Variants in AGBL4 observed in about 807,000 individuals in gnomAD.
AGBL4 encodes AGBL carboxypeptidase 4.
A neutral mutation model predicts 66.4 loss-of-function variants in AGBL4; 58 were observed. That is an observed-to-expected ratio of 0.87 (90% CI 0.71 to 1.09). AGBL4 has a LOEUF of 1.09. Ranked by LOEUF, AGBL4 falls within the 50% of genes least tolerant of loss-of-function variation. The pLI is 0.00. For synonymous variants in AGBL4, 234 were observed against 222.9 expected (o/e 1.05, Z -0.44); for missense variants, 579 against 631.0 (o/e 0.92, Z 0.88).
chr1:49,242,409 G>A (rs1651308996), intron 4 of AGBL4, among the ~76,000 whole-genome samples: 1 of 151,960 alleles, frequency 6.6e-6, no homozygotes, highest in African/African-American at 2.4e-5. Flanking sequence ...ACATCCCCAT[G>A]CATGGAATGT....
At chr1:49,937,190 C>T (rs1239214218) in intron 1 of AGBL4, among the ~76,000 whole-genome samples, 2 of 152,046 alleles carry the variant, frequency 1.3e-5, no homozygotes, top group African/African-American at 4.8e-5. Context: ...GGTTGCAATC[C>T]TAGTCTCTGA....
At position 49,296,577 on chromosome 1, in the gene AGBL4, T is replaced by C. The variant is rs991127164; in HGVS notation, c.283-50713A>G. On this transcript the variant is annotated intron_variant, in intron 3 of 13. Coordinates refer to ENST00000371839, the MANE Select transcript of AGBL4 (RefSeq NM_032785.4). ...GGTCTCTAATAGTTCTGACAGTCTG[T>C]GACTCTGAGATTTTAAAATATTTTT... Among the ~76,000 whole-genome samples the C allele has an allele frequency of 2.0e-5, 3 of 152,216 alleles. No individual in the cohort carries two copies. In the East Asian group the frequency reaches 5.8e-4, roughly 29 times the overall value.
At chr1:49,433,223 C>T (rs1278123862) in intron 3 of AGBL4, among the ~76,000 whole-genome samples, 1 of 152,046 alleles carries the variant, frequency 6.6e-6, no homozygotes, top group Non-Finnish European at 1.5e-5. Flanking sequence ...TTAACCAAAC[C>T]CAAAGAGAGG....
Position 48,742,090 on chromosome 1 carries a change from C to CT in AGBL4, c.635-78850dup, listed in dbSNP as rs1246283528. ...AGGTCCTAGGACTGTGCGCTAACCA[C>CT]TGCTGCATACACAGCTTGAAGGAGG... On this transcript the variant is annotated intron_variant, in intron 6 of 13. Coordinates refer to ENST00000371839, the MANE Select transcript of AGBL4 (RefSeq NM_032785.4). Among the ~76,000 whole-genome samples the CT allele has an allele frequency of 2.6e-5, 4 of 152,374 alleles. No individual in the cohort carries two copies. The East Asian group carries it at 7.7e-4, about 29-fold the overall frequency.
intron 1 of AGBL4, among the ~76,000 whole-genome samples, chr1:49,977,688 C>A (rs529369356): frequency 6.6e-6 from 1 of 152,056 alleles, no homozygotes; most frequent in African/African-American, 2.4e-5. Flanking sequence ...ATTATTTGTG[C>A]TACATTTATT....
Position 48,736,100 on chromosome 1 carries a change from G to T in AGBL4, c.635-72859C>A. 1 of 909,524 alleles carries T rather than the reference G, an allele frequency of 1.1e-6. No homozygotes were observed. The highest frequency in any genetic ancestry group is 1.7e-6 in the Non-Finnish European group (1 of 584,852). 56.3% of individuals were successfully genotyped at this position (909,524 alleles called of 1,614,324 possible). A position where few individuals can be genotyped will look rare whatever the true frequency, so the allele number is the denominator to read the frequency against. On this transcript the variant is annotated intron_variant, in intron 6 of 13. Coordinates refer to ENST00000371839, the MANE Select transcript of AGBL4 (RefSeq NM_032785.4). This position sits in a 1 kb window ranked among gnomAD's most constrained non-coding sequence, Gnocchi z 4.0. ...CTCTTCTGGGGCATTTGGGTTATCC[G>T]CTTGGTGTCCCCGGGCTCAGCCCAG...
chr1:48,938,400 T>C (rs780235455), intron 5 of AGBL4, among the ~76,000 whole-genome samples: 2 of 152,214 alleles, frequency 1.3e-5, no homozygotes, highest in South Asian at 2.1e-4. Context: ...TATGTAATTA[T>C]ACATTGTAAT....
At chr1:49,574,983 G>C (rs1301964112) in intron 3 of AGBL4, among the ~76,000 whole-genome samples, 2 of 152,100 alleles carry the variant, frequency 1.3e-5, no homozygotes, top group Non-Finnish European at 2.9e-5. Flanking sequence ...TACAGACCCA[G>C]AACCCCTTGA....
chr1:49,765,106 C>T (rs1340601235), intron 2 of AGBL4, among the ~76,000 whole-genome samples: 1 of 152,130 alleles, frequency 6.6e-6, no homozygotes, highest in East Asian at 1.9e-4. Flanking sequence ...CCCAGAGGCT[C>T]CAGCATTGCC....
In AGBL4 at chr1:49,889,651, G is replaced by A. The variant is rs564513279; in HGVS notation, c.35-38133C>T. On this transcript the variant is annotated intron_variant, in intron 1 of 13. Transcript: ENST00000371839. The stretch of plus-strand genomic sequence containing the variant: ...ACATGCCTGTAGTCCCAGCTACTCA[G>A]GAGGCTGATGCAGGAGAATCACTTG... 2.0e-5 allele frequency among the ~76,000 whole-genome samples: 3 copies of A among 152,210 alleles called. No homozygotes were observed. The East Asian group carries it at 5.8e-4, about 30-fold the overall frequency.
Position 49,092,820 on chromosome 1 carries a change from C to T in AGBL4, c.378-47020G>A, listed in dbSNP as rs929782392. Among the ~76,000 whole-genome samples, 4 of 152,196 alleles carry T rather than the reference C, an allele frequency of 2.6e-5. No individual in the cohort carries two copies. The East Asian group carries it at 7.7e-4, about 29-fold the overall frequency. The stretch of plus-strand genomic sequence containing the variant: ...GTTGAAGGAATGAAAGAGTGAATGG[C>T]TTTCTCCTTTTCTGAACACTGTTCT... On this transcript the variant is annotated intron_variant, in intron 4 of 13. Transcript: ENST00000371839.
At chr1:48,774,499 A>G (rs950514365) in intron 6 of AGBL4, among the ~76,000 whole-genome samples, 8 of 152,186 alleles carry the variant, frequency 5.3e-5, no homozygotes, top group South Asian at 2.1e-4. Flanking sequence ...TCCTCCCAAG[A>G]AAAAAACTGA....
intron 4 of AGBL4, among the ~76,000 whole-genome samples, chr1:49,165,803 AGAAAGGGATGCATGGTT>A (rs1462861970): frequency 6.6e-6 from 1 of 151,966 alleles, no homozygotes; most frequent in Non-Finnish European, 1.5e-5. Flanking sequence ...GAAGGAAGGA[AGAAAGGGATGCATGGTT>A]GAATCATGCC....
At chr1:49,917,115 C>T (rs923360563) in intron 1 of AGBL4, among the ~76,000 whole-genome samples, 1 of 152,166 alleles carries the variant, frequency 6.6e-6, no homozygotes, top group South Asian at 2.1e-4. Flanking sequence ...CAACCGGTAC[C>T]AGCCACTGCA....
At chr1:49,550,987 T>C (rs1449812054) in intron 3 of AGBL4, among the ~76,000 whole-genome samples, 2 of 152,128 alleles carry the variant, frequency 1.3e-5, no homozygotes, top group Admixed American at 6.5e-5. Context: ...GAGACTTTGT[T>C]CGGATTTTCT....
At chr1:49,653,638 C>T (rs183194715) in intron 3 of AGBL4, among the ~76,000 whole-genome samples, 64 of 151,524 alleles carry the variant, frequency 4.2e-4, no homozygotes, top group Admixed American at 1.5e-3. Context: ...ACTGACCTGA[C>T]GGAGCTGAAA....
At chr1:49,283,004 T>C (rs1247799113) in intron 3 of AGBL4, among the ~76,000 whole-genome samples, 1 of 152,226 alleles carries the variant, frequency 6.6e-6, no homozygotes, top group African/African-American at 2.4e-5. Flanking sequence ...AAGCTGGAAC[T>C]GGGTGGTGCC....
At chr1:49,725,378 G>A (rs371714676) in intron 2 of AGBL4, among the ~76,000 whole-genome samples, 39 of 152,230 alleles carry the variant, frequency 2.6e-4, no homozygotes, top group Admixed American at 7.9e-4. Flanking sequence ...AGCTAACAGC[G>A]AAATAATGCT....
chr1:49,457,747 A>G (rs1646421419), intron 3 of AGBL4, among the ~76,000 whole-genome samples: 1 of 151,784 alleles, frequency 6.6e-6, no homozygotes, highest in African/African-American at 2.4e-5. Context: ...ACAAGGTGAG[A>G]CATAAGGATC....
Sources: allele counts gnomAD v4.1 joint callset (sites outside exome capture counted in the v4.1 genomes callset), GRCh38; gene constraint gnomAD v4.1.1; non-coding constraint Gnocchi (gnomAD v3.1); transcripts MANE v1.5; gene names NCBI Gene and HGNC (gene_info 2026-07-23, HGNC 2026-07-21).